Variants in TSKS observed in about 807,000 individuals in gnomAD.
The protein encoded by TSKS is testis specific serine kinase substrate, also known as testis-specific serine kinase substrate.
A neutral mutation model predicts 68.0 loss-of-function variants in TSKS; 27 were observed. The observed-to-expected ratio is 0.40, with a 90% CI of 0.29 to 0.55. The LOEUF (loss-of-function observed/expected upper bound fraction) is 0.55. TSKS is among the 20% of genes least tolerant of loss of function. The probability of loss-of-function intolerance (pLI) is 0.53; values close to 1 mark genes in which losing one functional copy is unlikely to be tolerated. For missense variants in TSKS, 806 were observed against 776.0 expected, an observed-to-expected ratio of 1.04 and a Z score of -0.46; for synonymous variants, 331 against 340.4, an observed-to-expected ratio of 0.97 and a Z score of 0.30.
intron 2 of TSKS, among the ~76,000 whole-genome samples, chr19:49,755,999 T>G (rs1455855363): frequency 6.6e-6 from 1 of 151,406 alleles, no homozygotes; most frequent in Non-Finnish European, 1.5e-5. Context: ...AGACTCCATC[T>G]CAAAAAAAAA....
In TSKS at chr19:49,746,322, G is replaced by GT. The variant is rs72354805; in HGVS notation, c.992+147dup. On this transcript the variant is annotated intron_variant, in intron 6 of 10. Transcript: ENST00000246801. ...CCTCCCATGTTCCCGCCCACCTCAG[G>GT]TCCCCGAGGCTCCACCCATGTCACC... is the stretch of plus-strand genomic sequence containing the variant. The GT allele has an allele frequency of 7.0e-3, 6,310 of 903,896 alleles. 301 individuals are homozygous for GT. The African/African-American group carries it at 0.098, about 14-fold the overall frequency. The allele number at this position is 903,896 out of a possible 1,614,324, so 56.0% of individuals were successfully genotyped here. A position where few individuals can be genotyped will look rare whatever the true frequency, so the allele number is the denominator to read the frequency against.
Position 49,746,706 on chromosome 19 carries a change from CG to C in TSKS, c.755del (p.Pro252ArgfsTer64). 1 of 1,601,748 alleles carries C rather than the reference CG, an allele frequency of 6.2e-7. No homozygotes were observed. Among genetic ancestry groups the C allele is most frequent in the Non-Finnish European group, 8.5e-7 (1 of 1,178,146 alleles). The part of the protein sequence containing the change: ...ELQEPEEKQE[P>X]EEKQEPEEKQ... ...TCTCCTCCGGCTCCTGCTTCTCCTC[CG>C]GCTCCTGCTTCTCCTCCGGCTCCTG... On this transcript the variant is annotated frameshift_variant, in exon 6 of 11. Coordinates refer to ENST00000246801, the MANE Select transcript of TSKS (RefSeq NM_021733.2). LOFTEE classifies it high-confidence loss of function.
intron 2 of TSKS, among the ~76,000 whole-genome samples, chr19:49,756,552 A>G (rs1331019274): frequency 2.0e-5 from 3 of 151,594 alleles, no homozygotes; most frequent in African/African-American, 7.3e-5. Context: ...TTGACAAAAT[A>G]CCACTCATGA....
In TSKS at chr19:49,747,434, A is replaced by G. The variant is rs916950176; in HGVS notation, c.618T>C (p.Ala206=). Residue 206 remains alanine (A), a synonymous_variant, in exon 5 of 11, where the codon GCT becomes GCC. Coordinates refer to ENST00000246801, the MANE Select transcript of TSKS (RefSeq NM_021733.2). ...CWKVTRSVED[A]EIKTNVLKQN... ...GCTTCAAGACGTTGGTTTTGATTTC[A>G]GCATCTTCCACAGACCGGGTCACCT... is the stretch of plus-strand genomic sequence containing the variant. The G allele has an allele frequency of 1.9e-6, 3 of 1,614,078 alleles. No homozygotes were observed. Among genetic ancestry groups the G allele is most frequent in the African/African-American group, 2.7e-5 (2 of 74,928 alleles).
chr19:49,749,379 T>TC (rs2084329856), intron 2 of TSKS, among the ~76,000 whole-genome samples: 1 of 152,210 alleles, frequency 6.6e-6, no homozygotes, highest in Admixed American at 6.5e-5. Context: ...CCATGTGGCC[T>TC]CTGGTCATCA....
chr19:49,755,949 C>T (rs1048250477), intron 2 of TSKS, among the ~76,000 whole-genome samples: 15 of 151,640 alleles, frequency 9.9e-5, no homozygotes, highest in East Asian at 3.9e-4. Flanking sequence ...TGCAGTGAGC[C>T]GAGATCGTGC....
In TSKS at chr19:49,740,143, T is replaced by C. The variant is rs2084239991; in HGVS notation, c.1538A>G (p.Glu513Gly). The C allele has an allele frequency of 6.2e-7, 1 of 1,614,060 alleles. No homozygotes were observed. Among genetic ancestry groups the C allele is most frequent in the Non-Finnish European group, 8.5e-7 (1 of 1,180,002 alleles). Residue 513 changes from glutamate (E) to glycine (G), a missense_variant, in exon 10 of 11, where the codon GAG becomes GGG. Transcript: ENST00000246801. ...CAGCCGAAGGGTGGAGCTCAGGGCC[T>C]CTGCCCTGACGTGTTTGGCTAAGGC... The part of the protein sequence containing the change: ...RQALAKHVRA[E>G]ALSSTLRLAQ...
chr19:49,744,530 C>T (rs2084280450), intron 7 of TSKS, 126 bp from the exon 8 acceptor site: 2 of 885,328 alleles, frequency 2.3e-6, no homozygotes. Flanking sequence ...CCTGCCCTCC[C>T]CTCTCTGCTC....
chr19:49,762,064 C>T lies in TSKS; in HGVS notation c.339G>A (p.Gly113=), dbSNP rs767421266. 25 of 1,613,976 alleles carry T rather than the reference C, an allele frequency of 1.5e-5. No individual in the cohort carries two copies. The South Asian group carries it at 2.2e-4, about 14-fold the overall frequency. ...EDLSGQLTLA[G]PPASPTLPWD... The stretch of plus-strand genomic sequence containing the variant: ...AGGGTAGGGTAGGGGAGGCAGGGGG[C>T]CCAGCCAGTGTGAGTTGGCCGCTGA... Residue 113 remains glycine (G), a synonymous_variant, in exon 2 of 11, where the codon GGG becomes GGA. Coordinates refer to ENST00000246801, the MANE Select transcript of TSKS (RefSeq NM_021733.2).
chr19:49,743,986 C>T (rs1335555437), intron 8 of TSKS, among the ~76,000 whole-genome samples: 1 of 152,154 alleles, frequency 6.6e-6, no homozygotes, highest in Non-Finnish European at 1.5e-5. Context: ...GGATTACAGG[C>T]GAGAGCCACC....
chr19:49,739,881 G>A lies in TSKS; in HGVS notation c.1674C>T (p.His558=), dbSNP rs200685609. The A allele has an allele frequency of 4.8e-5, 78 of 1,613,972 alleles. No individual in the cohort carries two copies. Among genetic ancestry groups the A allele is most frequent in the South Asian group, 1.6e-4 (15 of 91,078 alleles). The change falls in exon 11 of 11, where the codon CAC becomes CAT. Residue 558 remains histidine, a synonymous_variant. Coordinates refer to ENST00000246801, the MANE Select transcript of TSKS (RefSeq NM_021733.2). ...CAAGTGGCAGGTTGCTGAGATGATCGTGGAGGGAGCACATCTTCAAGTGTA... is the reference window on the plus strand; with the variant it reads ...CAAGTGGCAGGTTGCTGAGATGATCATGGAGGGAGCACATCTTCAAGTGTA... ...DHLHLKMCSL[H]DHLSNLPLEG...
chr19:49,755,952 G>C lies in TSKS; in HGVS notation c.399+6052C>G, dbSNP rs548042183. Among the ~76,000 whole-genome samples, 66 of 152,160 alleles carry C rather than the reference G, an allele frequency of 4.3e-4. No individual in the cohort carries two copies. The South Asian group carries it at 0.01, about 23-fold the overall frequency. ...GGAGGCGGAGGTTGCAGTGAGCCGA[G>C]ATCGTGCCATTGCATTCTAGTGTGG... On this transcript the variant is annotated intron_variant, in intron 2 of 10. Coordinates refer to ENST00000246801, the MANE Select transcript of TSKS (RefSeq NM_021733.2).
chr19:49,760,567 C>A (rs2123632833), intron 2 of TSKS, among the ~76,000 whole-genome samples: 1 of 151,394 alleles, frequency 6.6e-6, no homozygotes, highest in East Asian at 2.0e-4. Flanking sequence ...GAACTCCTGA[C>A]CTCATGATCC....
At chr19:49,754,748 C>T (rs953921682) in intron 2 of TSKS, among the ~76,000 whole-genome samples, 5 of 152,036 alleles carry the variant, frequency 3.3e-5, no homozygotes, top group African/African-American at 1.2e-4. Context: ...TAATGTCTCA[C>T]CAAATAGGGC....
At chr19:49,744,103 C>T in intron 8 of TSKS, 128 bp downstream of exon 8, 1 of 952,984 alleles carries the variant, frequency 1.0e-6, no homozygotes, top group Non-Finnish European at 1.6e-6. Flanking sequence ...GCTGTTTCTA[C>T]AATGCACTGG....
At chr19:49,747,167 C>A (rs992362987) in intron 5 of TSKS, 3 of 1,536,342 alleles carry the variant, frequency 2.0e-6, no homozygotes, top group Non-Finnish European at 2.6e-6. Context: ...GCTCGATTCT[C>A]TTTCTGGGAC....
intron 5 of TSKS, chr19:49,747,102 T>A: frequency 6.7e-7 from 1 of 1,495,872 alleles, no homozygotes; most frequent in Non-Finnish European, 9.0e-7. Context: ...TCTCAGCATT[T>A]TGTTGGAAAA....
At chr19:49,759,796 G>T (rs2084425562) in intron 2 of TSKS, among the ~76,000 whole-genome samples, 1 of 151,482 alleles carries the variant, frequency 6.6e-6, no homozygotes, top group African/African-American at 2.4e-5. Context: ...TATCATGCCA[G>T]TGCACTCCAG....
chr19:49,760,927 A>G (rs2123633390), intron 2 of TSKS, among the ~76,000 whole-genome samples: 1 of 152,138 alleles, frequency 6.6e-6, no homozygotes, highest in East Asian at 1.9e-4. Context: ...TGTTTCTACT[A>G]AAAATACAAA....
Sources: allele counts gnomAD v4.1 joint callset (sites outside exome capture counted in the v4.1 genomes callset), GRCh38; gene constraint gnomAD v4.1.1; transcripts MANE v1.5; gene names NCBI Gene and HGNC (gene_info 2026-07-23, HGNC 2026-07-21).